DLG2: variants seen among roughly 807,000 people sequenced by gnomAD.
DLG2 encodes discs large MAGUK scaffold protein 2.
DLG2 carries 45 observed loss-of-function variants against 132.5 expected under a neutral mutation model. The ratio of observed to expected loss-of-function variants is 0.34; its 90% CI spans 0.27 to 0.44. The LOEUF (loss-of-function observed/expected upper bound fraction) is 0.44. DLG2 is among the 20% of genes least tolerant of loss of function. The pLI is 1.00. For missense variants in DLG2, 1,045 were observed against 1,196.9 expected (o/e 0.87, Z 1.87); for synonymous variants, 424 against 419.6 (o/e 1.01, Z -0.13).
chr11:85,156,618 A>G (rs2077605265), intron 4 of DLG2, among the ~76,000 whole-genome samples: 1 of 152,190 alleles, frequency 6.6e-6, no homozygotes, highest in Admixed American at 6.5e-5. Flanking sequence ...TCTCTCATGT[A>G]GATGTACATA....
intron 3 of DLG2, among the ~76,000 whole-genome samples, chr11:85,553,531 G>C (rs2076779881): frequency 6.6e-6 from 1 of 150,522 alleles, no homozygotes; most frequent in African/African-American, 2.4e-5. Context: ...AAACTACATT[G>C]AAGAATAAAA....
intron 8 of DLG2, among the ~76,000 whole-genome samples, chr11:84,197,090 T>C (rs143124197): frequency 4.3e-4 from 61 of 140,266 alleles, no homozygotes; most frequent in African/African-American, 1.5e-3. Context: ...AAGAAAGAAA[T>C]TGAAATAATG....
Position 85,338,768 on chromosome 11 carries a change from G to A in DLG2, c.41-53403C>T, listed in dbSNP as rs141791020. ...TCGCCCAGCTGGAGTGCAGTGACGC[G>A]ATCTCGGCTCACTGCAGGCTCCGCC... On this transcript the variant is annotated intron_variant, in intron 3 of 27. Coordinates refer to ENST00000376104, the MANE Select transcript of DLG2 (RefSeq NM_001142699.3). Among the ~76,000 whole-genome samples, 957 of 141,990 alleles carry A rather than the reference G, an allele frequency of 6.7e-3. 9 individuals carry two copies. Among genetic ancestry groups the A allele is most frequent in the African/African-American group, 0.024 (908 of 37,692 alleles). The allele number at this position is 141,990 out of a possible 152,430, so 93.2% of individuals were successfully genotyped here.
At chr11:84,043,199 A>T (rs908758062) in intron 11 of DLG2, among the ~76,000 whole-genome samples, 3 of 151,542 alleles carry the variant, frequency 2.0e-5, no homozygotes, top group Admixed American at 6.6e-5. Context: ...AAATAAATTA[A>T]ATAAATAAAT....
At chr11:85,127,559 T>C (rs1440450039) in intron 5 of DLG2, among the ~76,000 whole-genome samples, 3 of 152,194 alleles carry the variant, frequency 2.0e-5, no homozygotes, top group Admixed American at 2.0e-4. Context: ...AGATTGCCTG[T>C]TGTATCCCCA....
chr11:84,582,904 C>T (rs1336217911), intron 6 of DLG2, among the ~76,000 whole-genome samples: 3 of 152,150 alleles, frequency 2.0e-5, no homozygotes, highest in African/African-American at 7.2e-5. Context: ...AGTAGTTCAG[C>T]TAAGGGTCAG....
At chr11:84,714,605 T>TTCTCTC (rs1384317991) in intron 6 of DLG2, among the ~76,000 whole-genome samples, 1 of 99,436 alleles carries the variant, frequency 1.0e-5, no homozygotes, top group Non-Finnish European at 2.1e-5. Context: ...TTCTTTCTCT[T>TTCTCTC]TCTCTTTCTC....
intron 4 of DLG2, among the ~76,000 whole-genome samples, chr11:85,251,544 A>G (rs979237745): frequency 6.6e-6 from 1 of 152,124 alleles, no homozygotes; most frequent in African/African-American, 2.4e-5. Flanking sequence ...AACACCCTAA[A>G]ATTTCACTGA....
intron 3 of DLG2, among the ~76,000 whole-genome samples, chr11:85,401,588 C>T (rs1262114072): frequency 6.6e-6 from 1 of 152,114 alleles, no homozygotes; most frequent in Non-Finnish European, 1.5e-5. Flanking sequence ...ATTTAGAAAA[C>T]CCCATTGTCT....
At chr11:84,283,640 A>G (rs1248626432) in intron 7 of DLG2, among the ~76,000 whole-genome samples, 1 of 152,136 alleles carries the variant, frequency 6.6e-6, no homozygotes, top group Non-Finnish European at 1.5e-5. Context: ...TAAAGGATGT[A>G]ACCTCCTAGT....
At chr11:85,073,345 C>G (rs1345238273) in intron 6 of DLG2, among the ~76,000 whole-genome samples, 2 of 151,790 alleles carry the variant, frequency 1.3e-5, no homozygotes, top group East Asian at 3.9e-4. Flanking sequence ...AGAAAGAAGG[C>G]TTGTGCCATG....
At chr11:83,949,292 G>T (rs1367217790) in intron 14 of DLG2, among the ~76,000 whole-genome samples, 2 of 152,066 alleles carry the variant, frequency 1.3e-5, no homozygotes, top group Non-Finnish European at 2.9e-5. Context: ...AGCTCTTTAA[G>T]ATTCAATACC....
chr11:84,628,105 C>CAT (rs1594238629), intron 6 of DLG2, among the ~76,000 whole-genome samples: 1 of 108,086 alleles, frequency 9.3e-6, no homozygotes, highest in Non-Finnish European at 2.0e-5. Flanking sequence ...CATATATACA[C>CAT]ACATATATAT....
chr11:84,430,621 A>G (rs1350686395), intron 7 of DLG2, among the ~76,000 whole-genome samples: 2 of 152,058 alleles, frequency 1.3e-5, no homozygotes, highest in South Asian at 2.1e-4. Flanking sequence ...GTGACCAACT[A>G]TCTTGCCCTC....
chr11:84,664,160 T>C (rs1363506413), intron 6 of DLG2, among the ~76,000 whole-genome samples: 1 of 152,196 alleles, frequency 6.6e-6, no homozygotes, highest in African/African-American at 2.4e-5. Context: ...TTTTGCTCTA[T>C]GGATAAACTA....
rs557463057 is a variant in DLG2, at chr11:84,960,681, C to T, written c.357+150980G>A. ...CTCAAACTCCTGAGCTCAGGCAATCCACCCGCCTTGGCTTCCCAATTAAAA... is the reference window on the plus strand; with the variant it reads ...CTCAAACTCCTGAGCTCAGGCAATCTACCCGCCTTGGCTTCCCAATTAAAA... On this transcript the variant is annotated intron_variant, in intron 6 of 27. Transcript: ENST00000376104. 7.9e-5 allele frequency among the ~76,000 whole-genome samples: 12 copies of T among 152,150 alleles called. No homozygotes were observed. The South Asian group carries it at 1.9e-3, about 24-fold the overall frequency.
intron 4 of DLG2, among the ~76,000 whole-genome samples, chr11:85,229,453 C>G (rs1166494577): frequency 1.3e-5 from 2 of 152,058 alleles, no homozygotes; most frequent in Admixed American, 6.6e-5. Flanking sequence ...CCATCTCACA[C>G]CAGTTAGAAT....
chr11:85,539,200 T>A (rs890727911), intron 3 of DLG2, among the ~76,000 whole-genome samples: 1 of 151,774 alleles, frequency 6.6e-6, no homozygotes, highest in Non-Finnish European at 1.5e-5. Flanking sequence ...CCTTTTTTTA[T>A]CCTATCACAT....
At chr11:84,579,681 T>G (rs1203064781) in intron 6 of DLG2, among the ~76,000 whole-genome samples, 4 of 152,212 alleles carry the variant, frequency 2.6e-5, no homozygotes, top group South Asian at 4.1e-4. Context: ...AAGGTTATGA[T>G]ATGCTGAGGA....
Sources: allele counts gnomAD v4.1 joint callset (sites outside exome capture counted in the v4.1 genomes callset), GRCh38; gene constraint gnomAD v4.1.1; transcripts MANE v1.5; gene names NCBI Gene and HGNC (gene_info 2026-07-23, HGNC 2026-07-21).